The following CRABP1 variants were observed in gnomAD, a reference collection of about 807,000 sequenced individuals.
The protein encoded by CRABP1 is cellular retinoic acid binding protein 1, also known as cellular retinoic acid-binding protein 1.
Under a neutral mutation model 16.4 loss-of-function variants are expected in CRABP1, and 9 were observed. The ratio of observed to expected loss-of-function variants is 0.55; its 90% CI spans 0.33 to 0.96. The LOEUF is 0.96. CRABP1 is among the 40% of genes least tolerant of loss of function. The pLI is 0.03. For missense variants in CRABP1, 157 were observed against 186.0 expected (o/e 0.84, Z 0.91); for synonymous variants, 72 against 70.4 (o/e 1.02, Z -0.11).
At position 78,341,322 on chromosome 15, in the gene CRABP1, C is replaced by A. The variant is rs1465230652; in HGVS notation, c.249+101C>A. 1 of 1,391,928 alleles carries A rather than the reference C, an allele frequency of 7.2e-7. No homozygotes were observed. The highest frequency in any genetic ancestry group is 2.0e-4 in the Middle Eastern group (1 of 5,046). The allele number at this position is 1,391,928 out of a possible 1,614,324, so 86.2% of individuals were successfully genotyped here. On this transcript the variant is annotated intron_variant, in intron 2 of 3. Transcript: ENST00000299529. This position sits in a 1 kb window ranked among gnomAD's most constrained non-coding sequence, Gnocchi z 5.3. ...GTGTCTCCCTTTGCAGCCTGTGGCG[C>A]GCCTTCCTTGCAGGGTGTGTACACT...
intron 1 of CRABP1, 156 bp downstream of exon 1, chr15:78,340,654 G>A (rs964541922): frequency 4.8e-6 from 4 of 826,708 alleles, no homozygotes; most frequent in Non-Finnish European, 5.6e-6. Flanking sequence ...CAGGCGCACC[G>A]GGTCTCGGAG....
rs114125161 is a variant in CRABP1 at position 78,344,170 on chromosome 15, A to G, written c.363+558A>G. 6.5e-3 allele frequency among the ~76,000 whole-genome samples: 996 copies of G among 152,256 alleles called. 15 individuals are homozygous for G. Among genetic ancestry groups the G allele is most frequent in the African/African-American group, 0.023 (948 of 41,536 alleles). ...GTGTGGAGAGATGAGCCCCTGTAGA[A>G]CTAAAAAAGATAGGCTTTTCCTTAA... On this transcript the variant is annotated intron_variant, in intron 3 of 3. Transcript: ENST00000299529.
chr15:78,340,984 C>G (rs1201413443), intron 1 of CRABP1, 59 bp from the exon 2 acceptor site: 44 of 1,543,886 alleles, frequency 2.8e-5, no homozygotes, highest in Non-Finnish European at 3.8e-5. Flanking sequence ...CAGTGCCCGA[C>G]CGGTCCCGAG....
intron 3 of CRABP1, among the ~76,000 whole-genome samples, chr15:78,344,671 T>C (rs1190137801): frequency 1.3e-5 from 2 of 150,650 alleles, no homozygotes; most frequent in African/African-American, 4.9e-5. Context: ...GGCTCACACC[T>C]GTAATCCCAG....
chr15:78,345,986 C>A (rs191584093), intron 3 of CRABP1, among the ~76,000 whole-genome samples: 1 of 152,132 alleles, frequency 6.6e-6, no homozygotes, highest in Non-Finnish European at 1.5e-5. Context: ...GAGTTTCTGT[C>A]GGGAACCTCT....
chr15:78,343,336 T>C (rs2050245848), intron 2 of CRABP1, among the ~76,000 whole-genome samples, 163 bp from the exon 3 acceptor site: 1 of 152,158 alleles, frequency 6.6e-6, no homozygotes, highest in African/African-American at 2.4e-5. Context: ...ACCAGCACTC[T>C]GAATTTGGAC....
intron 1 of CRABP1, chr15:78,340,819 A>C: frequency 1.6e-6 from 1 of 613,458 alleles, no homozygotes; most frequent in Non-Finnish European, 2.8e-6. Flanking sequence ...TTGGAGACTC[A>C]AATTTGGGAC....
rs568414804 is a variant in CRABP1 at position 78,346,741 on chromosome 15, C to T, written c.364-1186C>T. ...ACTTGAACTATTTCCCTGAAGCACA[C>T]GTGTCAGGATAATGTTTTAGCATAT... On this transcript the variant is annotated intron_variant, in intron 3 of 3. Transcript: ENST00000299529. 9.8e-5 allele frequency among the ~76,000 whole-genome samples: 15 copies of T among 152,304 alleles called. No individual in the cohort carries two copies. The East Asian group carries it at 1.2e-3, about 12-fold the overall frequency.
At chr15:78,347,695 C>A in intron 3 of CRABP1, 1 of 440,064 alleles carries the variant, frequency 2.3e-6, no homozygotes, top group South Asian at 4.1e-5. Context: ...GTTCCATAAG[C>A]AAAGGAAAAT....
intron 3 of CRABP1, among the ~76,000 whole-genome samples, chr15:78,346,981 G>GT (rs1184710150): frequency 7.6e-5 from 11 of 144,000 alleles, no homozygotes; most frequent in African/African-American, 2.9e-4. Flanking sequence ...CTGTTTCTTG[G>GT]TTTTTGTTTT....
chr15:78,340,579 A>AG, intron 1 of CRABP1, 81 bp downstream of exon 1: 1 of 1,500,942 alleles, frequency 6.7e-7, no homozygotes, highest in Non-Finnish European at 9.0e-7. Flanking sequence ...CCGGTCCTGG[A>AG]GGGGGTGGAA....
At chr15:78,346,842 C>T (rs1025660168) in intron 3 of CRABP1, among the ~76,000 whole-genome samples, 3 of 152,140 alleles carry the variant, frequency 2.0e-5, no homozygotes, top group African/African-American at 4.8e-5. Flanking sequence ...CTAAATGCCT[C>T]GTTTAGTGGT....
chr15:78,341,363 G>C lies in CRABP1; in HGVS notation c.249+142G>C. 1 of 930,634 alleles carries C rather than the reference G, an allele frequency of 1.1e-6. No individual in the cohort carries two copies. Among genetic ancestry groups the C allele is most frequent in the Non-Finnish European group, 1.7e-6 (1 of 589,216 alleles). The allele number at this position is 930,634 out of a possible 1,614,324, so 57.6% of individuals were successfully genotyped here. ...TGTGTACACTGGCTGTTTGCAGAGG[G>C]GGTTTGTGCATCCTAGTTGCCCCTG... is the stretch of plus-strand genomic sequence containing the variant. On this transcript the variant is annotated intron_variant, in intron 2 of 3. Transcript: ENST00000299529. This position sits in a 1 kb window ranked among gnomAD's most constrained non-coding sequence, Gnocchi z 5.3.
At chr15:78,347,841 A>G (rs2050275001) in intron 3 of CRABP1, 86 bp from the exon 4 acceptor site, 1 of 1,234,126 alleles carries the variant, frequency 8.1e-7, no homozygotes, top group Admixed American at 1.8e-5. Context: ...TTAACAGGGC[A>G]ATAAGTGGCC....
At chr15:78,343,753 G>A (rs1270790486) in intron 3 of CRABP1, 141 bp downstream of exon 3, 15 of 633,514 alleles carry the variant, frequency 2.4e-5, no homozygotes, top group East Asian at 8.2e-5. Context: ...CAGAAAACCC[G>A]AGATGACAGT....
chr15:78,340,929 C>A (rs1334122292), intron 1 of CRABP1, 114 bp from the exon 2 acceptor site: 2 of 1,086,878 alleles, frequency 1.8e-6, no homozygotes, highest in African/African-American at 1.6e-5. Context: ...GGCAGGGAAA[C>A]GAGTGGATCA....
chr15:78,345,032 G>C (rs962339107), intron 3 of CRABP1, among the ~76,000 whole-genome samples: 1 of 152,002 alleles, frequency 6.6e-6, no homozygotes, highest in African/African-American at 2.4e-5. Flanking sequence ...TATATCCTTT[G>C]TTCTCCATTA....
At chr15:78,345,887 C>T (rs994341356) in intron 3 of CRABP1, among the ~76,000 whole-genome samples, 34 of 152,296 alleles carry the variant, frequency 2.2e-4, no homozygotes, top group Admixed American at 1.9e-3. Flanking sequence ...GCTCTCCCAG[C>T]GCCAACAGTA....
chr15:78,346,242 C>T (rs77941267), intron 3 of CRABP1, among the ~76,000 whole-genome samples: 3,326 of 152,212 alleles, frequency 0.022, 124 homozygotes, highest in African/African-American at 0.075. Flanking sequence ...GGTAGACTTA[C>T]GGTGGGAAAG....
Sources: gnomAD v4.1 joint callset for allele counts (sites outside exome capture counted in the v4.1 genomes callset) on GRCh38, gnomAD v4.1.1 for gene constraint, Gnocchi (gnomAD v3.1) non-coding constraint, MANE v1.5 for transcripts, NCBI Gene and HGNC (gene_info 2026-07-23, HGNC 2026-07-21) for gene names.